OSBPL8: variants seen among roughly 807,000 people sequenced by gnomAD.
OSBPL8 encodes the protein oxysterol-binding protein-related protein 8.
OSBPL8 carries 59 observed loss-of-function variants against 125.5 expected under a neutral mutation model. The observed-to-expected ratio is 0.47, with a 90% CI of 0.38 to 0.58. The LOEUF (loss-of-function observed/expected upper bound fraction) is 0.58. Ranked by LOEUF, OSBPL8 falls within the 20% of genes least tolerant of loss-of-function variation. OSBPL8 has a pLI of 0.00. For synonymous variants in OSBPL8, 330 were observed against 338.9 expected, an observed-to-expected ratio of 0.97 and a Z score of 0.29; for missense variants, 758 against 1,047.8, an observed-to-expected ratio of 0.72 and a Z score of 3.82.
chr12:76,405,924 C>T (rs760295290), intron 5 of OSBPL8, among the ~76,000 whole-genome samples: 35 of 152,218 alleles, frequency 2.3e-4, no homozygotes, highest in South Asian at 6.2e-4. Flanking sequence ...CTTTCCTTCT[C>T]TTTTTCTTCT....
intron 1 of OSBPL8, among the ~76,000 whole-genome samples, chr12:76,541,245 G>A (rs1387731169): frequency 2.0e-5 from 3 of 151,924 alleles, no homozygotes; most frequent in Non-Finnish European, 2.9e-5. Flanking sequence ...TTAGGAGGCC[G>A]AGGCAGGTGG....
chr12:76,394,852 G>T, intron 8 of OSBPL8, 123 bp from the exon 9 acceptor site: 1 of 632,822 alleles, frequency 1.6e-6, no homozygotes, highest in Non-Finnish European at 2.5e-6. Context: ...AAAGGCAAAT[G>T]AGCTTTAATT....
At chr12:76,473,337 C>T (rs904096087) in intron 2 of OSBPL8, among the ~76,000 whole-genome samples, 13 of 152,260 alleles carry the variant, frequency 8.5e-5, no homozygotes, top group South Asian at 2.1e-4. Context: ...CTTGTGCCCT[C>T]GGTCTCTTGC....
chr12:76,446,491 T>G (rs962401062), intron 4 of OSBPL8, among the ~76,000 whole-genome samples: 1 of 152,126 alleles, frequency 6.6e-6, no homozygotes, highest in Non-Finnish European at 1.5e-5. Flanking sequence ...TAAACTTACC[T>G]AGGAACATTT....
At chr12:76,389,857 A>G in intron 11 of OSBPL8, 28 bp from the exon 12 acceptor site, 3 of 1,439,490 alleles carry the variant, frequency 2.1e-6, no homozygotes, top group Middle Eastern at 1.9e-4. Flanking sequence ...AATTACCAAA[A>G]CATTATATTT....
At chr12:76,479,417 C>T (rs542034149) in intron 2 of OSBPL8, among the ~76,000 whole-genome samples, 114 of 152,244 alleles carry the variant, frequency 7.5e-4, no homozygotes, top group African/African-American at 2.4e-3. Context: ...GGTTTGCTTG[C>T]TCAAAAGGTA....
chr12:76,451,236 A>T (rs114528258), intron 3 of OSBPL8, among the ~76,000 whole-genome samples: 1,606 of 152,238 alleles, frequency 0.011, 38 homozygotes, highest in African/African-American at 0.037. Flanking sequence ...ATGAAAATAC[A>T]TATCCAACTG....
chr12:76,558,687 A>G (rs1476167830), intron 1 of OSBPL8, among the ~76,000 whole-genome samples: 1 of 152,220 alleles, frequency 6.6e-6, no homozygotes, highest in African/African-American at 2.4e-5. Flanking sequence ...TCTCATAAAG[A>G]AGAGTGTTAA....
chr12:76,436,286 A>C (rs1011652631), intron 4 of OSBPL8, among the ~76,000 whole-genome samples: 2 of 152,134 alleles, frequency 1.3e-5, no homozygotes, highest in Admixed American at 6.5e-5. Context: ...CATTGTCCTT[A>C]AGAAGCTCTT....
chr12:76,537,290 T>C (rs1950525456), intron 1 of OSBPL8, among the ~76,000 whole-genome samples: 1 of 152,188 alleles, frequency 6.6e-6, no homozygotes, highest in Non-Finnish European at 1.5e-5. Flanking sequence ...ACTAAAATTG[T>C]ATTTCAACAG....
At chr12:76,459,985 A>G in intron 2 of OSBPL8, 90 bp from the exon 3 acceptor site, 1 of 1,242,298 alleles carries the variant, frequency 8.0e-7, no homozygotes, top group Non-Finnish European at 1.2e-6. Context: ...CAGTGAAACA[A>G]AAGGACAAGG....
intron 2 of OSBPL8, among the ~76,000 whole-genome samples, chr12:76,464,687 C>T (rs997949397): frequency 6.6e-6 from 1 of 152,046 alleles, no homozygotes; most frequent in African/African-American, 2.4e-5. Flanking sequence ...TGAAGTAATC[C>T]CACGCAATCT....
intron 3 of OSBPL8, among the ~76,000 whole-genome samples, chr12:76,454,152 C>T (rs372027962): frequency 1.1e-4 from 17 of 152,230 alleles, no homozygotes; most frequent in African/African-American, 3.9e-4. Flanking sequence ...AAACTGAATA[C>T]CCTGTGGGTC....
At chr12:76,553,930 T>C (rs1313488315) in intron 1 of OSBPL8, among the ~76,000 whole-genome samples, 2 of 117,138 alleles carry the variant, frequency 1.7e-5, no homozygotes, top group Admixed American at 1.2e-4. Flanking sequence ...TGAGCCAAGA[T>C]CACACTACTG....
At chr12:76,397,460 T>C (rs1315312433) in intron 8 of OSBPL8, among the ~76,000 whole-genome samples, 4 of 151,038 alleles carry the variant, frequency 2.6e-5, no homozygotes, top group South Asian at 4.2e-4. Flanking sequence ...ACAAATTGAA[T>C]CCCCAAGGGC....
intron 1 of OSBPL8, among the ~76,000 whole-genome samples, chr12:76,543,190 G>A (rs114691684): frequency 3.1e-3 from 464 of 152,068 alleles, no homozygotes; most frequent in African/African-American, 5.6e-3. Context: ...ATTTTCAGCC[G>A]CTTACATAGT....
At chr12:76,356,761 T>C in intron 22 of OSBPL8, 33 bp from the exon 23 acceptor site, 2 of 1,423,506 alleles carry the variant, frequency 1.4e-6, no homozygotes, top group Non-Finnish European at 2.0e-6. Flanking sequence ...GTTGAAACTA[T>C]AAAAATAATC....
intron 1 of OSBPL8, among the ~76,000 whole-genome samples, chr12:76,556,555 T>A (rs1951105774): frequency 6.6e-6 from 1 of 152,154 alleles, no homozygotes; most frequent in Non-Finnish European, 1.5e-5. Flanking sequence ...CTGTGTCTCA[T>A]CACAAGGAAG....
At chr12:76,422,770 A>G in intron 4 of OSBPL8, 1 of 341,734 alleles carries the variant, frequency 2.9e-6, no homozygotes, top group Non-Finnish European at 6.0e-6. Context: ...CAAACAAAGA[A>G]CACACACATT....
Sources: allele counts gnomAD v4.1 joint callset (sites outside exome capture counted in the v4.1 genomes callset), GRCh38; gene constraint gnomAD v4.1.1; transcripts MANE v1.5; gene names NCBI Gene and HGNC (gene_info 2026-07-23, HGNC 2026-07-21).